SENP6: variants seen among roughly 807,000 people sequenced by gnomAD.
SENP6 encodes the protein SUMO specific peptidase 6, also known as sentrin-specific protease 6.
Under a neutral mutation model 134.5 loss-of-function variants are expected in SENP6, and 41 were observed. The ratio of observed to expected loss-of-function variants is 0.30; its 90% CI spans 0.24 to 0.40. SENP6 has a LOEUF of 0.40. Ranked by LOEUF, SENP6 falls within the 10% of genes least tolerant of loss-of-function variation. SENP6 has a pLI of 1.00. For synonymous variants in SENP6, 395 were observed against 429.8 expected, an observed-to-expected ratio of 0.92 and a Z score of 1.00; for missense variants, 1,248 against 1,312.5, an observed-to-expected ratio of 0.95 and a Z score of 0.76.
At chr6:75,666,997 A>G in intron 10 of SENP6, 56 bp downstream of exon 10, 1 of 1,273,454 alleles carries the variant, frequency 7.9e-7, no homozygotes, top group Non-Finnish European at 1.1e-6. Context: ...TTTGGGGTGT[A>G]AATTTTTTTT....
Position 75,676,033 on chromosome 6 carries a change from A to C in SENP6, c.1600A>C (p.Lys534Gln). 2 of 1,601,282 alleles carry C rather than the reference A, an allele frequency of 1.2e-6. No homozygotes were observed. The highest frequency in any genetic ancestry group is 4.5e-5 in the East Asian group (2 of 44,690). Residue 534 changes from lysine (K) to glutamine (Q), a missense_variant, in exon 13 of 24, where the codon AAA (lysine) becomes CAA (glutamine). This residue lies in a region of SENP6 where 733 missense variants were observed against 725.4 expected (regional missense o/e 1.01). Transcript: ENST00000447266. ...GGAGGATAAAGTTTGGAATGATTGTAAAGGAGTAAATAAATTAACAAGTAA... is the reference window on the plus strand; with the variant it reads ...GGAGGATAAAGTTTGGAATGATTGTCAAGGAGTAAATAAATTAACAAGTAA... ...NKEDKVWNDC[K>Q]GVNKLTNLEE...
At chr6:75,698,105 C>T (rs1003992551) in intron 18 of SENP6, 5 of 152,218 alleles carry the variant, frequency 3.3e-5, no homozygotes, top group Admixed American at 2.0e-4. Flanking sequence ...CCAAAGAACA[C>T]CAGAAATACA....
intron 9 of SENP6, among the ~76,000 whole-genome samples, chr6:75,665,490 C>T (rs1340861988): frequency 6.6e-6 from 1 of 152,058 alleles, no homozygotes; most frequent in African/African-American, 2.4e-5. Flanking sequence ...TGTAAATTTA[C>T]AAACCATAGC....
chr6:75,666,657 A>T (rs1772266667), intron 9 of SENP6, 55 bp from the exon 10 acceptor site: 1 of 890,852 alleles, frequency 1.1e-6, no homozygotes, highest in Non-Finnish European at 1.5e-6. Context: ...GAAATGAAAT[A>T]TAAAATTATA....
At chr6:75,683,139 T>G (rs1773581165) in intron 16 of SENP6, among the ~76,000 whole-genome samples, 1 of 152,238 alleles carries the variant, frequency 6.6e-6, no homozygotes, top group Admixed American at 6.5e-5. Flanking sequence ...GTTTTTGATT[T>G]GCATTTCTCT....
chr6:75,677,826 A>G (rs909567560), intron 14 of SENP6: 2 of 152,288 alleles, frequency 1.3e-5, no homozygotes, highest in Non-Finnish European at 2.9e-5. Flanking sequence ...TAATACAAAC[A>G]TAATTTTAAA....
At chr6:75,660,744 G>C (rs193087734) in intron 8 of SENP6, among the ~76,000 whole-genome samples, 34 of 151,916 alleles carry the variant, frequency 2.2e-4, no homozygotes, top group African/African-American at 8.0e-4. Flanking sequence ...CAGTTCTTCT[G>C]TCTCAGCCTC....
rs1766672257 is a variant in SENP6, at chr6:75,602,200, T to G, written c.-325T>G. 1 of 281,942 alleles carries G rather than the reference T, an allele frequency of 3.5e-6. No homozygotes were observed. The highest frequency in any genetic ancestry group is 6.6e-6 in the Non-Finnish European group (1 of 152,666). The allele number at this position is 281,942 out of a possible 1,614,324, so 17.5% of individuals were successfully genotyped here. On this transcript the variant is annotated 5_prime_UTR_variant, in exon 1 of 24. Coordinates refer to ENST00000447266, the MANE Select transcript of SENP6 (RefSeq NM_015571.4). ...GGGGAAGTTTCTCAGGCAGCCTGGGTGGGCGGTGGATGGGGAGTCGTGGGC... is the reference window on the plus strand; with the variant it reads ...GGGGAAGTTTCTCAGGCAGCCTGGGGGGGCGGTGGATGGGGAGTCGTGGGC...
intron 1 of SENP6, among the ~76,000 whole-genome samples, chr6:75,605,671 A>G (rs1766973349): frequency 6.6e-6 from 1 of 152,202 alleles, no homozygotes; most frequent in South Asian, 2.1e-4. Flanking sequence ...AGCAAAGGAG[A>G]GAGTGATATG....
At chr6:75,692,495 T>G (rs1774347645) in intron 16 of SENP6, among the ~76,000 whole-genome samples, 1 of 151,942 alleles carries the variant, frequency 6.6e-6, no homozygotes. Context: ...GGCATGGTAG[T>G]GCAGGCCTGT....
chr6:75,675,178 A>G (rs951964842), intron 11 of SENP6, among the ~76,000 whole-genome samples: 13 of 152,092 alleles, frequency 8.5e-5, no homozygotes, highest in African/African-American at 2.9e-4. Flanking sequence ...TGAACCTAAA[A>G]TAAAAGTTAA....
At chr6:75,666,552 T>C (rs1329155059) in intron 9 of SENP6, among the ~76,000 whole-genome samples, 160 bp from the exon 10 acceptor site, 1 of 151,736 alleles carries the variant, frequency 6.6e-6, no homozygotes, top group Non-Finnish European at 1.5e-5. Context: ...GGATTGTATC[T>C]TCATTCATTT....
intron 3 of SENP6, among the ~76,000 whole-genome samples, chr6:75,629,061 C>T (rs967829659): frequency 5.9e-5 from 9 of 152,116 alleles, no homozygotes; most frequent in African/African-American, 2.2e-4. Context: ...CCAAAAATGA[C>T]ATAGTAATCA....
At position 75,633,646 on chromosome 6, in the gene SENP6, A is replaced by G; in HGVS notation, c.273A>G (p.Arg91=). 1.2e-6 allele frequency: 2 copies of G among 1,612,362 alleles called. No homozygotes were observed. ...SGEFILKTYV[R]RNKSESFKTL... ...AATTCATCTTGAAGACATATGTAAGACGAAACAAGTCTGAAAGTTTTAAAA... is the reference window on the plus strand; with the variant it reads ...AATTCATCTTGAAGACATATGTAAGGCGAAACAAGTCTGAAAGTTTTAAAA... The change falls in exon 4 of 24, where the codon AGA becomes AGG. Residue 91 remains arginine (R), a synonymous_variant. Transcript: ENST00000447266.
In SENP6 at chr6:75,623,977, A is replaced by G; in HGVS notation, c.207+17A>G. On this transcript the variant is annotated intron_variant, in intron 3 of 23. Coordinates refer to ENST00000447266, the MANE Select transcript of SENP6 (RefSeq NM_015571.4). Reference sequence around the variant, plus strand: ...GGAAAAAAGGCAAGTGTTGCTTAAAATATTTTCTTCTTTTACATTATATAC... The same window carrying G: ...GGAAAAAAGGCAAGTGTTGCTTAAAGTATTTTCTTCTTTTACATTATATAC... The G allele has an allele frequency of 6.3e-7, 1 of 1,590,778 alleles. No homozygotes were observed. Among genetic ancestry groups the G allele is most frequent in the Non-Finnish European group, 8.6e-7 (1 of 1,164,726 alleles).
intron 11 of SENP6, among the ~76,000 whole-genome samples, chr6:75,671,318 T>C (rs956140603): frequency 4.6e-5 from 7 of 152,238 alleles, no homozygotes; most frequent in Non-Finnish European, 8.8e-5. Context: ...TGTAAAGCAC[T>C]GTATGTGTTC....
chr6:75,628,861 A>T (rs1305219555), intron 3 of SENP6, among the ~76,000 whole-genome samples: 2 of 152,090 alleles, frequency 1.3e-5, no homozygotes. Context: ...CTGGGACTAC[A>T]GGTGCCTGCC....
At chr6:75,683,041 A>G (rs544721761) in intron 16 of SENP6, among the ~76,000 whole-genome samples, 37 of 152,250 alleles carry the variant, frequency 2.4e-4, no homozygotes, top group African/African-American at 8.9e-4. Flanking sequence ...AAGCATTCCT[A>G]TTTCTCCACA....
chr6:75,671,239 C>A (rs1362423374), intron 11 of SENP6, among the ~76,000 whole-genome samples: 1 of 152,182 alleles, frequency 6.6e-6, no homozygotes. Context: ...TTAATATAAT[C>A]TCCTTAACTA....
Sources: allele counts gnomAD v4.1 joint callset (sites outside exome capture counted in the v4.1 genomes callset), GRCh38; gene constraint gnomAD v4.1.1; regional missense constraint gnomAD v4.1.1; transcripts MANE v1.5; gene names NCBI Gene and HGNC (gene_info 2026-07-23, HGNC 2026-07-21).